The following UNC5C variants were observed in gnomAD, a reference collection of about 807,000 sequenced individuals.
UNC5C encodes netrin receptor UNC5C.
UNC5C carries 47 observed loss-of-function variants against 99.8 expected under a neutral mutation model. The ratio of observed to expected loss-of-function variants is 0.47; its 90% CI spans 0.37 to 0.60. The LOEUF (loss-of-function observed/expected upper bound fraction) is 0.60. Among genes scored for constraint, UNC5C ranks in the 20% least tolerant of loss-of-function variants. UNC5C has a pLI of 0.00. For missense variants in UNC5C, 1,062 were observed against 1,165.9 expected (o/e 0.91, Z 1.30); for synonymous variants, 487 against 452.2 (o/e 1.08, Z -0.98).
chr4:95,167,394 T>TA lies in UNC5C; in HGVS notation c.*1839dup. On this transcript the variant is annotated 3_prime_UTR_variant, in exon 16 of 16. Transcript: ENST00000453304. ...TGTTTACACAAAGTAGTGTGTTGAC[T>TA]AACAAACATTTTGCAGGACAAAAGT... 1.3e-5 allele frequency: 2 copies of TA among 152,320 alleles called. No individual in the cohort carries two copies. The highest frequency in any genetic ancestry group is 4.1e-4 in the South Asian group (2 of 4,826). The allele number at this position is 152,320 out of a possible 1,614,324, so 9.4% of individuals were successfully genotyped here. A position where few individuals can be genotyped will look rare whatever the true frequency, so the allele number is the denominator to read the frequency against.
intron 1 of UNC5C, among the ~76,000 whole-genome samples, chr4:95,336,659 C>T (rs764898524): frequency 6.6e-6 from 1 of 151,796 alleles, no homozygotes; most frequent in African/African-American, 2.4e-5. Context: ...TCATTCAAGT[C>T]ATAAGATAGC....
intron 10 of UNC5C, among the ~76,000 whole-genome samples, chr4:95,213,334 C>A (rs995716676): frequency 2.1e-4 from 32 of 152,218 alleles, no homozygotes; most frequent in African/African-American, 7.0e-4. Flanking sequence ...GGCAAAAAGG[C>A]CCATGTTAGC....
intron 1 of UNC5C, among the ~76,000 whole-genome samples, chr4:95,361,249 C>G (rs1744381957): frequency 6.6e-6 from 1 of 152,184 alleles, no homozygotes; most frequent in Non-Finnish European, 1.5e-5. Context: ...TTTATCCACT[C>G]TTCTTAGATA....
At chr4:95,426,967 A>G (rs930856507) in intron 1 of UNC5C, among the ~76,000 whole-genome samples, 9 of 152,242 alleles carry the variant, frequency 5.9e-5, no homozygotes, top group African/African-American at 2.2e-4. Flanking sequence ...TAGCAACACT[A>G]AACAACAGAT....
chr4:95,517,584 A>C (rs1396171409), intron 1 of UNC5C, among the ~76,000 whole-genome samples: 1 of 152,214 alleles, frequency 6.6e-6, no homozygotes, highest in African/African-American at 2.4e-5. Context: ...CTTGTAACCC[A>C]ATACTGCAAA....
In UNC5C at chr4:95,423,282, C is replaced by T. The variant is rs1447383559; in HGVS notation, c.125-87651G>A. Among the ~76,000 whole-genome samples the T allele has an allele frequency of 3.3e-5, 5 of 152,284 alleles. No individual in the cohort carries two copies. The South Asian group carries it at 6.2e-4, about 19-fold the overall frequency. On this transcript the variant is annotated intron_variant, in intron 1 of 15. Transcript: ENST00000453304. ...CTCTGTGGCATTAAAGACAACAGTG[C>T]TTTGGCCATGCTGCCCAGAAAGCAC... is the stretch of plus-strand genomic sequence containing the variant.
At chr4:95,509,858 G>A (rs1393176857) in intron 1 of UNC5C, among the ~76,000 whole-genome samples, 2 of 151,822 alleles carry the variant, frequency 1.3e-5, no homozygotes, top group Non-Finnish European at 2.9e-5. Context: ...TATATAAATT[G>A]TCAGTAGTTT....
intron 12 of UNC5C, among the ~76,000 whole-genome samples, chr4:95,186,414 C>A (rs184385665): frequency 1.5e-3 from 236 of 152,278 alleles, no homozygotes; most frequent in Admixed American, 3.4e-3. Context: ...CAGATTGCCT[C>A]ATATTCAGAA....
chr4:95,250,682 GA>G lies in UNC5C; in HGVS notation c.595-16del. ...AACCATTCCACCTAAAGATAAATGA[GA>G]AAAGTAGATAAATCCTCAGCATGGA... is the stretch of plus-strand genomic sequence containing the variant. On this transcript the variant is annotated splice_polypyrimidine_tract_variant and intron_variant, in intron 4 of 15. Coordinates refer to ENST00000453304, the MANE Select transcript of UNC5C (RefSeq NM_003728.4). The G allele has an allele frequency of 6.2e-7, 1 of 1,612,058 alleles. No homozygotes were observed.
intron 1 of UNC5C, among the ~76,000 whole-genome samples, chr4:95,487,896 G>A (rs948825476): frequency 6.6e-6 from 1 of 151,586 alleles, no homozygotes; most frequent in Non-Finnish European, 1.5e-5. Flanking sequence ...CTTCCTCCTG[G>A]GCTATAGTAT....
chr4:95,252,662 C>G (rs1203422082), intron 4 of UNC5C, among the ~76,000 whole-genome samples: 2 of 152,198 alleles, frequency 1.3e-5, no homozygotes, highest in Non-Finnish European at 2.9e-5. Context: ...ATCCAAAAAT[C>G]TGGAATCTGA....
At chr4:95,534,106 T>C (rs1247329124) in intron 1 of UNC5C, among the ~76,000 whole-genome samples, 1 of 152,158 alleles carries the variant, frequency 6.6e-6, no homozygotes, top group Non-Finnish European at 1.5e-5. Context: ...GCACAGCACT[T>C]GAGGAAGTTG....
At chr4:95,415,210 A>G (rs1278404067) in intron 1 of UNC5C, among the ~76,000 whole-genome samples, 2 of 152,208 alleles carry the variant, frequency 1.3e-5, no homozygotes, top group African/African-American at 4.8e-5. Context: ...TTCATTTGCC[A>G]TTAATATTTG....
intron 1 of UNC5C, among the ~76,000 whole-genome samples, chr4:95,470,107 G>C (rs746192264): frequency 6.6e-6 from 1 of 151,984 alleles, no homozygotes; most frequent in African/African-American, 2.4e-5. Context: ...TATGTTTTTC[G>C]AATGGGTTTG....
Position 95,448,285 on chromosome 4 carries a change from T to C in UNC5C, c.124+100449A>G, listed in dbSNP as rs116984513. ...GAGAAAGCCTGATTTGTGGACACTG[T>C]CTTCTGTGGGAAGAACAATGAAGCA... is the stretch of plus-strand genomic sequence containing the variant. On this transcript the variant is annotated intron_variant, in intron 1 of 15. Transcript: ENST00000453304. 3.5e-4 allele frequency among the ~76,000 whole-genome samples: 48 copies of C among 138,304 alleles called. 1 individual carries two copies. The East Asian group carries it at 9.8e-3, about 28-fold the overall frequency. The allele number at this position is 138,304 out of a possible 152,430, so 90.7% of individuals were successfully genotyped here.
intron 12 of UNC5C, among the ~76,000 whole-genome samples, chr4:95,201,853 C>G (rs2149360249): frequency 6.6e-6 from 1 of 152,282 alleles, no homozygotes; most frequent in East Asian, 1.9e-4. Context: ...ATCCACCCGC[C>G]TTAGCCTCCC....
At chr4:95,360,628 A>AAT (rs1448917495) in intron 1 of UNC5C, among the ~76,000 whole-genome samples, 1 of 152,212 alleles carries the variant, frequency 6.6e-6, no homozygotes, top group Non-Finnish European at 1.5e-5. Flanking sequence ...GCTTCTTCAG[A>AAT]ATATCTACAA....
intron 2 of UNC5C, among the ~76,000 whole-genome samples, 196 bp downstream of exon 2, chr4:95,335,214 T>A (rs112762687): frequency 1.1e-3 from 170 of 152,074 alleles, no homozygotes; most frequent in African/African-American, 3.6e-3. Flanking sequence ...AGGAAGCAAG[T>A]CAAGATTTAT....
At chr4:95,334,845 T>C (rs1293544040) in intron 2 of UNC5C, among the ~76,000 whole-genome samples, 1 of 151,988 alleles carries the variant, frequency 6.6e-6, no homozygotes, top group African/African-American at 2.4e-5. Flanking sequence ...TCATGAATCC[T>C]ACACTATCAC....
Sources: allele counts gnomAD v4.1 joint callset (sites outside exome capture counted in the v4.1 genomes callset), GRCh38; gene constraint gnomAD v4.1.1; transcripts MANE v1.5; gene names NCBI Gene and HGNC (gene_info 2026-07-23, HGNC 2026-07-21).